Variants in PRKCE observed in about 807,000 individuals in gnomAD.
The protein encoded by PRKCE is protein kinase C epsilon type.
Under a neutral mutation model 85.4 loss-of-function variants are expected in PRKCE, and 16 were observed. The observed-to-expected ratio is 0.19, with a 90% CI of 0.13 to 0.28. PRKCE has a LOEUF of 0.28. Ranked by LOEUF, PRKCE falls within the 10% of genes least tolerant of loss-of-function variation. The pLI is 1.00. For synonymous variants in PRKCE, 388 were observed against 371.5 expected (o/e 1.04, Z -0.51); for missense variants, 573 against 975.2 (o/e 0.59, Z 5.49).
intron 1 of PRKCE, chr2:45,677,077 A>G (rs1676499317): frequency 2.0e-5 from 3 of 151,712 alleles, no homozygotes; most frequent in Admixed American, 2.0e-4. Flanking sequence ...ACCTGAAAGG[A>G]GAAACTGGAG....
intron 1 of PRKCE, among the ~76,000 whole-genome samples, chr2:45,735,676 G>A (rs750368642): frequency 2.1e-4 from 32 of 152,338 alleles, no homozygotes; most frequent in Middle Eastern, 3.4e-3. Flanking sequence ...CAAAGTGTTG[G>A]AGGAACCAAA....
rs760453305 is a variant in PRKCE, at chr2:46,159,567, C to G, written c.1921-39C>G. ...TCCCTTATAGCCTGTGCTGGCCAGG[C>G]CTTTGTCACTAATTCCGACTCTGTC... On this transcript the variant is annotated intron_variant, in intron 13 of 14. Transcript: ENST00000306156. This position sits in a 1 kb window ranked among gnomAD's most constrained non-coding sequence, Gnocchi z 4.1. 8.3e-6 allele frequency: 13 copies of G among 1,556,922 alleles called. No individual in the cohort carries two copies. The highest frequency in any genetic ancestry group is 7.8e-6 in the Non-Finnish European group (9 of 1,158,464).
At chr2:45,998,692 C>A (rs1376271243) in intron 6 of PRKCE, among the ~76,000 whole-genome samples, 1 of 152,096 alleles carries the variant, frequency 6.6e-6, no homozygotes, top group Non-Finnish European at 1.5e-5. Context: ...GGGTTAATAT[C>A]TACTATAGTT....
chr2:46,014,754 C>T (rs566439318), intron 10 of PRKCE, among the ~76,000 whole-genome samples: 1 of 152,244 alleles, frequency 6.6e-6, no homozygotes, highest in Non-Finnish European at 1.5e-5. Context: ...GATAGACATG[C>T]AAGGAGGCAG....
upstream of PRKCE, chr2:45,651,306 G>C (rs1232019867): frequency 1.3e-5 from 2 of 150,038 alleles, no homozygotes; most frequent in Admixed American, 6.6e-5. Flanking sequence ...GCCGCGCTGC[G>C]CACCGCCCGG....
chr2:45,943,276 G>A lies in PRKCE; in HGVS notation c.413-33153G>A, dbSNP rs113374061. Among the ~76,000 whole-genome samples, 1,344 of 152,236 alleles carry A rather than the reference G, an allele frequency of 8.8e-3. 25 individuals are homozygous for A. Among genetic ancestry groups the A allele is most frequent in the African/African-American group, 0.03 (1,245 of 41,520 alleles). On this transcript the variant is annotated intron_variant, in intron 2 of 14. Transcript: ENST00000306156. ...ATTCCTTTATTTAAAAAATGATTTC[G>A]CAGTCATCATGTGCAAAGCAGTTAC...
intron 11 of PRKCE, among the ~76,000 whole-genome samples, chr2:46,122,814 A>G (rs528194633): frequency 2.6e-5 from 4 of 151,932 alleles, no homozygotes; most frequent in African/African-American, 9.7e-5. Context: ...ATGAAGCAAA[A>G]AGGTCCAATG....
intron 11 of PRKCE, among the ~76,000 whole-genome samples, chr2:46,125,695 T>TAAATATACCTTCACAGTATATAC (rs1245997685): frequency 1.3e-5 from 2 of 152,236 alleles, no homozygotes; most frequent in Non-Finnish European, 2.9e-5. Flanking sequence ...AATACAGGCA[T>TAAATATACCTTCACAGTATATAC]AAATATACCT....
intron 1 of PRKCE, among the ~76,000 whole-genome samples, chr2:45,737,642 C>T (rs1682192532): frequency 6.6e-6 from 1 of 152,106 alleles, no homozygotes; most frequent in Non-Finnish European, 1.5e-5. Flanking sequence ...CCCCTTCTCC[C>T]CTGGAGCCTT....
intron 2 of PRKCE, among the ~76,000 whole-genome samples, chr2:45,943,077 A>G (rs140659554): frequency 6.7e-4 from 102 of 152,302 alleles, no homozygotes; most frequent in African/African-American, 2.4e-3. Flanking sequence ...AAATTGATGA[A>G]TCATTTTAGC....
Position 46,186,027 on chromosome 2 carries a change from G to C in PRKCE, c.*1146G>C, listed in dbSNP as rs1450659687. ...GAGGCTAAACATGGGTTATACAAAG[G>C]GTATCTGGAAACTGAAGAGCAACTT... On this transcript the variant is annotated 3_prime_UTR_variant, in exon 15 of 15. Transcript: ENST00000306156. The C allele has an allele frequency of 1.3e-5, 2 of 152,676 alleles. No homozygotes were observed. Among genetic ancestry groups the C allele is most frequent in the East Asian group, 3.9e-4 (2 of 5,194 alleles). The allele number at this position is 152,676 out of a possible 1,614,324, so 9.5% of individuals were successfully genotyped here.
In PRKCE at chr2:45,976,596, T is replaced by A; in HGVS notation, c.572+8T>A. The stretch of plus-strand genomic sequence containing the variant: ...TTGCAGAGACTTCATCTGGTAAGCC[T>A]TTCTCTTGGGAACCTCTAATTACAA... On this transcript the variant is annotated splice_region_variant and intron_variant, in intron 3 of 14. Coordinates refer to ENST00000306156, the MANE Select transcript of PRKCE (RefSeq NM_005400.3). 1.3e-6 allele frequency: 2 copies of A among 1,599,064 alleles called. No individual in the cohort carries two copies. Among genetic ancestry groups the A allele is most frequent in the Non-Finnish European group, 1.7e-6 (2 of 1,179,468 alleles).
intron 1 of PRKCE, among the ~76,000 whole-genome samples, chr2:45,726,521 A>T (rs1214004622): frequency 6.6e-6 from 1 of 152,208 alleles, no homozygotes; most frequent in Non-Finnish European, 1.5e-5. Flanking sequence ...GCAATAAAGC[A>T]CTTTTCAATT....
At chr2:46,179,075 G>A (rs1574680861) in intron 14 of PRKCE, among the ~76,000 whole-genome samples, 1 of 152,264 alleles carries the variant, frequency 6.6e-6, no homozygotes, top group East Asian at 1.9e-4. Context: ...TACTTGTGCT[G>A]TTGCTGTCAC....
intron 2 of PRKCE, among the ~76,000 whole-genome samples, chr2:45,872,626 T>A (rs938579570): frequency 6.6e-6 from 1 of 152,066 alleles, no homozygotes; most frequent in African/African-American, 2.4e-5. Flanking sequence ...AGGTTTTGGA[T>A]ATATTTGAGC....
intron 14 of PRKCE, chr2:46,168,103 G>A (rs1678521193): frequency 6.6e-6 from 1 of 152,168 alleles, no homozygotes; most frequent in African/African-American, 2.4e-5. Context: ...CCTGGGATTG[G>A]GAGGGCCATC....
At chr2:45,971,706 C>T (rs1367635221) in intron 2 of PRKCE, among the ~76,000 whole-genome samples, 2 of 152,150 alleles carry the variant, frequency 1.3e-5, no homozygotes, top group African/African-American at 4.8e-5. Context: ...CAAAGAAGCA[C>T]AAGGAGAAAA....
At chr2:45,991,269 C>T (rs1056577438) in intron 6 of PRKCE, among the ~76,000 whole-genome samples, 7 of 151,642 alleles carry the variant, frequency 4.6e-5, no homozygotes, top group African/African-American at 1.5e-4. Flanking sequence ...AGCCTCCCAA[C>T]GTGCTGGGAT....
intron 1 of PRKCE, among the ~76,000 whole-genome samples, chr2:45,716,348 G>A (rs991381431): frequency 6.6e-6 from 1 of 151,988 alleles, no homozygotes; most frequent in Non-Finnish European, 1.5e-5. Flanking sequence ...GAAACCCTGT[G>A]TCTACCAAAA....
Sources: gnomAD v4.1 joint callset for allele counts (sites outside exome capture counted in the v4.1 genomes callset) on GRCh38, gnomAD v4.1.1 for gene constraint, Gnocchi (gnomAD v3.1) non-coding constraint, MANE v1.5 for transcripts, NCBI Gene and HGNC (gene_info 2026-07-23, HGNC 2026-07-21) for gene names.